Variants in CEP63 observed in about 807,000 individuals in gnomAD.
CEP63 encodes the protein centrosomal protein of 63 kDa.
In CEP63, 84 loss-of-function variants were observed where a neutral mutation model predicts 89.1. The observed-to-expected ratio is 0.94, with a 90% confidence interval of 0.79 to 1.13. The LOEUF is 1.13. Ranked by LOEUF, CEP63 falls within the 50% of genes most tolerant of loss-of-function variation. CEP63 has a pLI of 0.00. For synonymous variants in CEP63, 267 were observed against 272.5 expected (o/e 0.98, Z 0.20); for missense variants, 838 against 813.3 (o/e 1.03, Z -0.37).
At chr3:134,712,686 A>C in the CEP63 span, among the ~76,000 whole-genome samples, 1 of 152,088 alleles carries the variant, frequency 6.6e-6, no homozygotes, top group African/African-American at 2.4e-5. Flanking sequence ...GCCACTCCGG[A>C]GATCCTTGGC....
At chr3:134,594,838 A>G in the CEP63 span, among the ~76,000 whole-genome samples, 2,460 of 152,356 alleles carry the variant, frequency 0.016, 55 homozygotes, top group African/African-American at 0.055. Flanking sequence ...ATGGAGATAA[A>G]AGAGCAAACA....
At chr3:134,542,595 T>C (rs1138273) in intron 6 of CEP63, among the ~76,000 whole-genome samples, 101,513 of 152,068 alleles carry the variant, frequency 0.67, 34,279 homozygotes, top group East Asian at 0.82. Context: ...ATAAAAAGCC[T>C]TGTTGCTTCA....
the CEP63 span, among the ~76,000 whole-genome samples, chr3:134,688,854 C>G: frequency 8.5e-5 from 13 of 152,338 alleles, no homozygotes; most frequent in East Asian, 2.5e-3. Flanking sequence ...GCTGAAGTCT[C>G]AGCCTTCATG....
At chr3:134,624,212 A>G in the CEP63 span, among the ~76,000 whole-genome samples, 1 of 152,072 alleles carries the variant, frequency 6.6e-6, no homozygotes, top group Non-Finnish European at 1.5e-5. Context: ...CTGGTGTTAG[A>G]GTTCTTCCCC....
chr3:134,581,308 C>T (rs1333833639), intron 10 of CEP63, among the ~76,000 whole-genome samples: 5 of 152,130 alleles, frequency 3.3e-5, no homozygotes, highest in African/African-American at 4.8e-5. Flanking sequence ...GGGCCAGACG[C>T]GGTGGCTCAC....
chr3:134,524,584 A>C (rs1177217377), intron 3 of CEP63, among the ~76,000 whole-genome samples: 1 of 152,096 alleles, frequency 6.6e-6, no homozygotes, highest in Non-Finnish European at 1.5e-5. Context: ...AGAGTTTTTA[A>C]CATGGAAGGG....
the CEP63 span, among the ~76,000 whole-genome samples, chr3:134,614,858 T>A: frequency 6.6e-6 from 1 of 152,278 alleles, no homozygotes; most frequent in East Asian, 1.9e-4. Context: ...CCTACACCAA[T>A]GGGCTCTGAC....
the CEP63 span, among the ~76,000 whole-genome samples, chr3:134,606,569 C>G: frequency 6.6e-6 from 1 of 152,154 alleles, no homozygotes; most frequent in Non-Finnish European, 1.5e-5. Context: ...CTTCAGGGAA[C>G]GTTCCACTGC....
chr3:134,542,395 A>G (rs528639569), intron 6 of CEP63, among the ~76,000 whole-genome samples: 4 of 152,328 alleles, frequency 2.6e-5, no homozygotes, highest in South Asian at 4.1e-4. Flanking sequence ...TCGTAGTAGC[A>G]TAGACACAAC....
At chr3:134,486,462 T>TGGCGTGGCGC (rs1935424462) in intron 1 of CEP63, 4 of 985,574 alleles carry the variant, frequency 4.1e-6, no homozygotes, top group Non-Finnish European at 4.8e-6. Context: ...TGGCGGAGTC[T>TGGCGTGGCGC]GGCGTGGCGC....
chr3:134,579,010 G>A (rs959923611), downstream of CEP63, among the ~76,000 whole-genome samples: 7 of 152,126 alleles, frequency 4.6e-5, no homozygotes, highest in African/African-American at 1.7e-4. Flanking sequence ...CACCTGCCTT[G>A]GCCTCCCAAA....
chr3:134,740,266 TTTTATTTATTTA>T, the CEP63 span, among the ~76,000 whole-genome samples: 680 of 140,930 alleles, frequency 4.8e-3, 2 homozygotes, highest in Middle Eastern at 0.028. Flanking sequence ...TATTCTTTTC[TTTTATTTATTTA>T]TTTATTTATT....
the CEP63 span, among the ~76,000 whole-genome samples, chr3:134,673,920 T>A: frequency 6.6e-6 from 1 of 152,128 alleles, no homozygotes; most frequent in Admixed American, 6.5e-5. Context: ...AGCCCCAAGG[T>A]TTATTTGGGG....
chr3:134,515,945 G>A (rs577082723), intron 3 of CEP63, among the ~76,000 whole-genome samples: 45 of 152,320 alleles, frequency 3.0e-4, no homozygotes, highest in African/African-American at 1.1e-3. Context: ...TGTTTGAAGG[G>A]GTGGGTTGCC....
intron 3 of CEP63, among the ~76,000 whole-genome samples, chr3:134,507,550 A>C (rs984547346): frequency 1.3e-5 from 2 of 152,180 alleles, no homozygotes; most frequent in African/African-American, 4.8e-5. Flanking sequence ...GGTACCACAC[A>C]TTGTTTGTTT....
At chr3:134,703,195 C>T in the CEP63 span, among the ~76,000 whole-genome samples, 1 of 148,950 alleles carries the variant, frequency 6.7e-6, no homozygotes, top group African/African-American at 2.5e-5. Context: ...ACTTGGGAGG[C>T]TGAGGCAGGA....
chr3:134,781,483 A>G, the CEP63 span, among the ~76,000 whole-genome samples: 17,563 of 152,270 alleles, frequency 0.12, 1,613 homozygotes, highest in South Asian at 0.32. Flanking sequence ...TGGGAACAAC[A>G]GACACTGGGG....
At chr3:134,535,871 T>C (rs903588028) in intron 5 of CEP63, 9 of 152,196 alleles carry the variant, frequency 5.9e-5, no homozygotes, top group African/African-American at 2.2e-4. Context: ...TCACTTCCTA[T>C]ACAAAAACCT....
the CEP63 span, among the ~76,000 whole-genome samples, chr3:134,623,445 C>T: frequency 6.6e-6 from 1 of 152,146 alleles, no homozygotes. Context: ...CTCTATGTCT[C>T]AGGTCTTCTG....
Sources: gnomAD v4.1 joint callset for allele counts (sites outside exome capture counted in the v4.1 genomes callset) on GRCh38, gnomAD v4.1.1 for gene constraint, MANE v1.5 for transcripts, NCBI Gene and HGNC (gene_info 2026-07-23, HGNC 2026-07-21) for gene names.